Variants in SGSM2 observed in about 807,000 individuals in gnomAD.
SGSM2 encodes the protein RUN and TBC1 domain containing 1.
A neutral mutation model predicts 126.6 loss-of-function variants in SGSM2; 89 were observed. The ratio of observed to expected loss-of-function variants is 0.70; its 90% CI spans 0.59 to 0.84. The LOEUF is 0.84. Among genes scored for constraint, SGSM2 ranks in the 40% least tolerant of loss-of-function variants. SGSM2 has a pLI of 0.00. For synonymous variants in SGSM2, 614 were observed against 574.3 expected (o/e 1.07, Z -0.99); for missense variants, 1,404 against 1,416.6 (o/e 0.99, Z 0.14).
At position 2,364,621 on chromosome 17, in the gene SGSM2, G is replaced by T; in HGVS notation, c.958G>T (p.Val320Leu). Residue 320 changes from valine to leucine, a missense_variant, in exon 9 of 24, where the codon GTG (valine) becomes TTG (leucine). Coordinates refer to ENST00000268989, the MANE Select transcript of SGSM2 (RefSeq NM_014853.3). ...CGTTTACTGGGACTATGCCCTCGTG[G>T]TGCCCTTCAGCCAGGTCGTGTGCAT... ...KSVYWDYALV[V>L]PFSQVVCIHC... The T allele has an allele frequency of 6.2e-7, 1 of 1,614,198 alleles. No individual in the cohort carries two copies.
At chr17:2,350,453 T>TA (rs993046746) in intron 2 of SGSM2, among the ~76,000 whole-genome samples, 1 of 151,252 alleles carries the variant, frequency 6.6e-6, no homozygotes, top group African/African-American at 2.4e-5. Flanking sequence ...CTACAAAAAA[T>TA]ACAAAAATGT....
intron 16 of SGSM2, 93 bp from the exon 17 acceptor site, chr17:2,373,238 G>A (rs2065964146): frequency 6.5e-7 from 1 of 1,543,584 alleles, no homozygotes; most frequent in Admixed American, 1.8e-5. Context: ...TTGAGTCTGA[G>A]ACTCAGGACC....
intron 17 of SGSM2, chr17:2,373,723 A>T: frequency 5.2e-6 from 3 of 577,160 alleles, no homozygotes; most frequent in Middle Eastern, 4.6e-4. Context: ...AAAGTGAGAG[A>T]GTGCATTGTG....
At chr17:2,360,620 C>G (rs2065268799) in intron 2 of SGSM2, among the ~76,000 whole-genome samples, 1 of 152,222 alleles carries the variant, frequency 6.6e-6, no homozygotes, top group Non-Finnish European at 1.5e-5. Flanking sequence ...TCACACTAGC[C>G]CTCTTCCCAT....
At chr17:2,343,683 C>A in intron 2 of SGSM2, 63 bp downstream of exon 2, 1 of 1,481,596 alleles carries the variant, frequency 6.7e-7, no homozygotes, top group South Asian at 1.1e-5. Context: ...GGCCTGGGGC[C>A]AGGAAAAGAT....
chr17:2,339,048 G>A (rs997541592), intron 1 of SGSM2, among the ~76,000 whole-genome samples: 1 of 149,570 alleles, frequency 6.7e-6, no homozygotes, highest in African/African-American at 2.5e-5. Flanking sequence ...GACAGAGTGA[G>A]ACTCCGTCTC....
rs781457257 is a variant in SGSM2, at chr17:2,373,434, G to A, written c.2021G>A (p.Arg674His). 15 of 1,611,048 alleles carry A rather than the reference G, an allele frequency of 9.3e-6. No individual in the cohort carries two copies. In the East Asian group the frequency reaches 1.3e-4, roughly 14 times the overall value. Residue 674 changes from arginine (R) to histidine (H), a missense_variant, in exon 17 of 24, where the codon CGC becomes CAC. Physicochemically the swap from Arg to His is conservative, Grantham distance 29 (BLOSUM62 0). Coordinates refer to ENST00000268989, the MANE Select transcript of SGSM2 (RefSeq NM_014853.3). ...GAGCGGGAGGCCCACCCAGCCACAC[G>A]CACCAAGTTCTCCTCAGGCAGCAGC... ...QREREAHPAT[R>H]TKFSSGSSID...
intron 1 of SGSM2, among the ~76,000 whole-genome samples, chr17:2,342,613 C>T (rs569532567): frequency 6.6e-5 from 10 of 152,232 alleles, no homozygotes; most frequent in African/African-American, 2.4e-4. Context: ...ATTCACCACG[C>T]TGTGTAATTG....
At chr17:2,345,458 T>C (rs1342801865) in intron 2 of SGSM2, among the ~76,000 whole-genome samples, 2 of 151,664 alleles carry the variant, frequency 1.3e-5, no homozygotes, top group African/African-American at 4.8e-5. Flanking sequence ...TAGCCAGGCG[T>C]GGTGGCGGGC....
chr17:2,350,762 CAGGGAGGGA>C (rs1207545695), intron 2 of SGSM2, among the ~76,000 whole-genome samples: 7 of 152,156 alleles, frequency 4.6e-5, no homozygotes, highest in Non-Finnish European at 8.8e-5. Context: ...GCATGAGGTG[CAGGGAGGGA>C]AGGCACCTGC....
At chr17:2,339,516 A>G (rs1440407568) in intron 1 of SGSM2, among the ~76,000 whole-genome samples, 1 of 151,950 alleles carries the variant, frequency 6.6e-6, no homozygotes, top group East Asian at 1.9e-4. Context: ...CGAGGTCAGG[A>G]GATCGAGACC....
intron 1 of SGSM2, among the ~76,000 whole-genome samples, chr17:2,342,309 G>A (rs952325477): frequency 1.5e-4 from 22 of 151,066 alleles, no homozygotes; most frequent in African/African-American, 4.6e-4. Flanking sequence ...CTGTAATCCC[G>A]GCTACTGTGG....
rs1197801690 is a variant in SGSM2, at chr17:2,362,045, A to G, written c.297-64A>G. 1.8e-5 allele frequency: 28 copies of G among 1,545,272 alleles called. No homozygotes were observed. The highest frequency in any genetic ancestry group is 1.9e-4 in the Middle Eastern group (1 of 5,268). Reference sequence around the variant, plus strand: ...CTTGGGGTACCAAGCCCCACTCCCAATGCCAGCATTCTGGGGTTTACCCCT... The same window carrying G: ...CTTGGGGTACCAAGCCCCACTCCCAGTGCCAGCATTCTGGGGTTTACCCCT... On this transcript the variant is annotated intron_variant, in intron 3 of 23. Coordinates refer to ENST00000268989, the MANE Select transcript of SGSM2 (RefSeq NM_014853.3). The surrounding 1 kb of genome is among the most constrained non-coding windows in gnomAD (Gnocchi z 4.9).
At position 2,377,958 on chromosome 17, in the gene SGSM2, G is replaced by C; in HGVS notation, c.2899+5G>C. 1 of 1,584,650 alleles carries C rather than the reference G, an allele frequency of 6.3e-7. No homozygotes were observed. The highest frequency in any genetic ancestry group is 8.7e-7 in the Non-Finnish European group (1 of 1,153,610). Reference sequence around the variant, plus strand: ...TCCTGCTGGATTTTAAGAGAGGTAAGAAGTGGGTTGGATCATGGGGCTGAG... The same window carrying C: ...TCCTGCTGGATTTTAAGAGAGGTAACAAGTGGGTTGGATCATGGGGCTGAG... On this transcript the variant is annotated splice_donor_5th_base_variant and intron_variant, in intron 22 of 23. Coordinates refer to ENST00000268989, the MANE Select transcript of SGSM2 (RefSeq NM_014853.3).
intron 2 of SGSM2, among the ~76,000 whole-genome samples, chr17:2,359,075 C>T (rs182791862): frequency 3.9e-4 from 60 of 151,974 alleles, no homozygotes; most frequent in Non-Finnish European, 7.4e-4. Context: ...GATGGGATTT[C>T]ACCGTGTTAG....
rs538903158 is a variant in SGSM2 at position 2,358,827 on chromosome 17, A to T, written c.134-2810A>T. ...AGAGCACCTCAACAATTTGCATTCA[A>T]ATTGCTCCCAATATCAGGGAGGGGC... On this transcript the variant is annotated intron_variant, in intron 2 of 23. Coordinates refer to ENST00000268989, the MANE Select transcript of SGSM2 (RefSeq NM_014853.3). Among the ~76,000 whole-genome samples, 10 of 151,638 alleles carry T rather than the reference A, an allele frequency of 6.6e-5. No homozygotes were observed. In the South Asian group the frequency reaches 2.1e-3, roughly 32 times the overall value.
intron 2 of SGSM2, among the ~76,000 whole-genome samples, chr17:2,351,945 T>C (rs1177805989): frequency 1.3e-5 from 2 of 152,024 alleles, no homozygotes; most frequent in Non-Finnish European, 2.9e-5. Context: ...TGAGAGAAAA[T>C]GCACCCTAGT....
chr17:2,365,743 CTTTTTTTT>C (rs946989393), intron 11 of SGSM2, among the ~76,000 whole-genome samples: 2 of 129,510 alleles, frequency 1.5e-5, no homozygotes, highest in African/African-American at 6.1e-5. Context: ...ACCAGCGCTA[CTTTTTTTT>C]TTTTTTTTTT....
chr17:2,351,805 C>A (rs932815610), intron 2 of SGSM2, among the ~76,000 whole-genome samples: 1 of 152,156 alleles, frequency 6.6e-6, no homozygotes, highest in African/African-American at 2.4e-5. Flanking sequence ...AGTGACCTAC[C>A]CGCCTCAGGA....
Sources: gnomAD v4.1 joint callset for allele counts (sites outside exome capture counted in the v4.1 genomes callset) on GRCh38, gnomAD v4.1.1 for gene constraint, Gnocchi (gnomAD v3.1) non-coding constraint, MANE v1.5 for transcripts, NCBI Gene and HGNC (gene_info 2026-07-23, HGNC 2026-07-21) for gene names.